The following KIF20B variants were observed in gnomAD, a reference collection of about 807,000 sequenced individuals.
KIF20B encodes kinesin-like protein KIF20B.
Under a neutral mutation model 232.5 loss-of-function variants are expected in KIF20B, and 188 were observed. The observed-to-expected ratio is 0.81, with a 90% CI of 0.72 to 0.91. KIF20B has a LOEUF of 0.91. Among genes scored for constraint, KIF20B ranks in the 40% least tolerant of loss-of-function variants. KIF20B has a pLI of 0.00. For synonymous variants in KIF20B, 712 were observed against 683.0 expected (o/e 1.04, Z -0.66); for missense variants, 2,154 against 2,055.9 (o/e 1.05, Z -0.92).
Position 89,711,145 on chromosome 10 carries a change from G to A in KIF20B, c.675G>A (p.Glu225=). 5.9e-6 allele frequency: 9 copies of A among 1,515,854 alleles called. No homozygotes were observed. Among genetic ancestry groups the A allele is most frequent in the East Asian group, 2.3e-5 (1 of 42,996 alleles). The allele number at this position is 1,515,854 out of a possible 1,614,324, so 93.9% of individuals were successfully genotyped here. A position where few individuals can be genotyped will look rare whatever the true frequency, so the allele number is the denominator to read the frequency against. Residue 225 remains glutamate, a splice_region_variant and synonymous_variant, in exon 6 of 33, where the codon GAG becomes GAA. Transcript: ENST00000371728. ...GTGCATTGCTTCGGCAAATTAAAGA[G>A]GTATGGAAATATTTTAGTATGTAAA... is the stretch of plus-strand genomic sequence containing the variant. The part of the protein sequence containing the change: ...SKSALLRQIK[E]VTVHNDSDDT...
At chr10:89,760,967 T>A (rs893678592) in intron 28 of KIF20B, among the ~76,000 whole-genome samples, 12 of 152,164 alleles carry the variant, frequency 7.9e-5, no homozygotes, top group African/African-American at 2.2e-4. Flanking sequence ...AATAGTATTT[T>A]TTGGAATTGT....
chr10:89,748,265 C>T (rs1056248837), intron 23 of KIF20B, among the ~76,000 whole-genome samples: 1 of 152,224 alleles, frequency 6.6e-6, no homozygotes, highest in Non-Finnish European at 1.5e-5. Flanking sequence ...CCGCCTTGGC[C>T]TCCCAAAGTG....
intron 23 of KIF20B, among the ~76,000 whole-genome samples, chr10:89,746,732 C>T (rs1181102873): frequency 1.3e-5 from 2 of 152,238 alleles, no homozygotes; most frequent in Non-Finnish European, 2.9e-5. Flanking sequence ...CCCTGCCTGC[C>T]TCCCATATCA....
chr10:89,747,846 C>G (rs1473165156), intron 23 of KIF20B, among the ~76,000 whole-genome samples: 1 of 150,598 alleles, frequency 6.6e-6, no homozygotes, highest in African/African-American at 2.5e-5. Flanking sequence ...TGTAACTAAC[C>G]TGCACATTGT....
intron 13 of KIF20B, 78 bp downstream of exon 13, chr10:89,719,784 T>C (rs143603580): frequency 4.6e-5 from 56 of 1,212,988 alleles, no homozygotes; most frequent in Non-Finnish European, 3.4e-6. Flanking sequence ...CTCTCTCTCT[T>C]CAGTTTTTTT....
At chr10:89,762,406 T>G (rs148881570) in intron 28 of KIF20B, among the ~76,000 whole-genome samples, 43 of 152,312 alleles carry the variant, frequency 2.8e-4, no homozygotes, top group African/African-American at 9.4e-4. Context: ...TAAGTAATTC[T>G]TATGATCATA....
chr10:89,744,593 G>T (rs1487646393), intron 22 of KIF20B, among the ~76,000 whole-genome samples: 2 of 152,022 alleles, frequency 1.3e-5, no homozygotes, highest in Non-Finnish European at 2.9e-5. Flanking sequence ...AAAACAAAAA[G>T]AGTTGAGGTC....
intron 26 of KIF20B, among the ~76,000 whole-genome samples, chr10:89,758,089 C>T (rs1421554257): frequency 6.6e-6 from 1 of 151,884 alleles, no homozygotes; most frequent in African/African-American, 2.4e-5. Flanking sequence ...TTTGCATCTC[C>T]ATATAATTTT....
At chr10:89,773,077 T>C (rs2900752) in intron 32 of KIF20B, among the ~76,000 whole-genome samples, 119,020 of 151,956 alleles carry the variant, frequency 0.78, 47,008 homozygotes, top group South Asian at 0.93. Context: ...GAATTGTCAC[T>C]ATTTAGTAAC....
At chr10:89,723,259 A>G (rs1843105598) in intron 13 of KIF20B, among the ~76,000 whole-genome samples, 1 of 152,244 alleles carries the variant, frequency 6.6e-6, no homozygotes, top group Admixed American at 6.5e-5. Context: ...CTTTAAATAG[A>G]AACATTAAAA....
intron 23 of KIF20B, among the ~76,000 whole-genome samples, chr10:89,749,602 T>C (rs895798564): frequency 6.6e-6 from 1 of 152,186 alleles, no homozygotes; most frequent in South Asian, 2.1e-4. Flanking sequence ...CAGCCACTAA[T>C]CTACTTTCTG....
intron 31 of KIF20B, among the ~76,000 whole-genome samples, chr10:89,769,475 C>A (rs1451515935): frequency 6.6e-6 from 1 of 151,790 alleles, no homozygotes; most frequent in Non-Finnish European, 1.5e-5. Flanking sequence ...GACAAGTTTG[C>A]CAGTATTAGT....
intron 21 of KIF20B, among the ~76,000 whole-genome samples, 187 bp from the exon 22 acceptor site, chr10:89,743,621 T>G (rs1309908183): frequency 1.3e-5 from 2 of 152,284 alleles, no homozygotes; most frequent in Middle Eastern, 3.4e-3. Context: ...TTCATTAGAG[T>G]ATTAAAACAT....
At position 89,732,994 on chromosome 10, in the gene KIF20B, G is replaced by C. The variant is rs376723750; in HGVS notation, c.2483G>C (p.Cys828Ser). The C allele has an allele frequency of 1.1e-5, 17 of 1,613,492 alleles. No homozygotes were observed. Among genetic ancestry groups the C allele is most frequent in the Non-Finnish European group, 1.4e-5 (17 of 1,179,708 alleles). ...CCTAAGGACAGCAAATCTAAAATCT[G>C]TTCAGAAAGAAAAAGAGTAAATGAA... ...EVPKDSKSKI[C>S]SERKRVNENE... Residue 828 changes from cysteine (C) to serine (S), a missense_variant, in exon 19 of 33, where the codon TGT becomes TCT. By Grantham distance (112) the Cys-to-Ser change is moderately radical (BLOSUM62 -1). Transcript: ENST00000371728.
rs1841698728 is a variant in KIF20B, at chr10:89,738,001, C to T, written c.3160C>T (p.His1054Tyr). 1.2e-6 allele frequency: 2 copies of T among 1,612,932 alleles called. No homozygotes were observed. The highest frequency in any genetic ancestry group is 2.7e-5 in the African/African-American group (2 of 74,844). Reference sequence around the variant, plus strand: ...AGAACCCAATAGGGAAAATTCTTTCCACTCTAGTATTGAAGCTATTTGGGA... The same window carrying T: ...AGAACCCAATAGGGAAAATTCTTTCTACTCTAGTATTGAAGCTATTTGGGA... The part of the protein sequence containing the change: ...IQEPNRENSF[H>Y]SSIEAIWEEC... Residue 1054 changes from histidine to tyrosine, a missense_variant, in exon 20 of 33, where the codon CAC becomes TAC. Coordinates refer to ENST00000371728, the MANE Select transcript of KIF20B (RefSeq NM_001284259.2).
chr10:89,768,201 A>G (rs1842401568), intron 29 of KIF20B, 89 bp from the exon 30 acceptor site: 2 of 802,560 alleles, frequency 2.5e-6, no homozygotes, highest in Non-Finnish European at 4.1e-6. Context: ...TTAAGTGATA[A>G]TGTAGCTTTT....
At chr10:89,705,571 T>C (rs1842705460) in intron 2 of KIF20B, 130 bp downstream of exon 2, 1 of 724,812 alleles carries the variant, frequency 1.4e-6, no homozygotes, top group Non-Finnish European at 2.1e-6. Flanking sequence ...TTTATATTTT[T>C]AAATAGTGGA....
intron 22 of KIF20B, among the ~76,000 whole-genome samples, chr10:89,745,545 AAAT>A (rs974656028): frequency 1.3e-5 from 2 of 151,916 alleles, no homozygotes; most frequent in African/African-American, 4.8e-5. Context: ...ATAAATAAAT[AAAT>A]AAATAAAGAC....
At chr10:89,761,717 A>G (rs1408724254) in intron 28 of KIF20B, among the ~76,000 whole-genome samples, 1 of 152,160 alleles carries the variant, frequency 6.6e-6, no homozygotes, top group Non-Finnish European at 1.5e-5. Flanking sequence ...AACCTTGGGG[A>G]CTAATACAAA....
Sources: gnomAD v4.1 joint callset for allele counts (sites outside exome capture counted in the v4.1 genomes callset) on GRCh38, gnomAD v4.1.1 for gene constraint, MANE v1.5 for transcripts, NCBI Gene and HGNC (gene_info 2026-07-23, HGNC 2026-07-21) for gene names.